The following LRRC40 variants were observed in gnomAD, a reference collection of about 807,000 sequenced individuals.
The protein encoded by LRRC40 is leucine rich repeat containing 40.
Under a neutral mutation model 72.8 loss-of-function variants are expected in LRRC40, and 76 were observed. The ratio of observed to expected loss-of-function variants is 1.04; its 90% CI spans 0.87 to 1.26. The LOEUF (loss-of-function observed/expected upper bound fraction) is 1.26, where lower values mean the gene tolerates loss of function less well. Among genes scored for constraint, LRRC40 ranks in the 50% most tolerant of loss-of-function variants. The probability of loss-of-function intolerance (pLI) is 0.00; values close to 1 mark genes in which losing one functional copy is unlikely to be tolerated. For synonymous variants in LRRC40, 243 were observed against 254.2 expected (o/e 0.96, Z 0.42); for missense variants, 684 against 698.9 (o/e 0.98, Z 0.24).
At chr1:70,153,832 G>A (rs1667570712) in intron 11 of LRRC40, among the ~76,000 whole-genome samples, 1 of 152,012 alleles carries the variant, frequency 6.6e-6, no homozygotes, top group African/African-American at 2.4e-5. Flanking sequence ...AATTAGTGGG[G>A]TGTGGTGGCA....
chr1:70,189,098 AAC>A lies in LRRC40; in HGVS notation c.325_326del (p.Val109SerfsTer2), dbSNP rs1668431917. 4 of 1,609,976 alleles carry A rather than the reference AAC, an allele frequency of 2.5e-6. No individual in the cohort carries two copies. The highest frequency in any genetic ancestry group is 3.4e-6 in the Non-Finnish European group (4 of 1,178,396). On this transcript the variant is annotated frameshift_variant, in exon 2 of 15. Transcript: ENST00000370952. LOFTEE classifies it high-confidence loss of function. ...DDLRLLPALT[V>X]LDIHDNQLTS... ...TTATAGTCAGTCAACTTACATCAAG[AAC>A]AGTCAGTGCAGGCAAGAGTCGCAGG... is the stretch of plus-strand genomic sequence containing the variant.
chr1:70,175,724 C>A (rs764224323), intron 7 of LRRC40, 86 bp downstream of exon 7: 6 of 960,126 alleles, frequency 6.2e-6, no homozygotes, highest in Admixed American at 3.6e-5. Flanking sequence ...AAAAAAGGAA[C>A]CTCTTGGTTT....
chr1:70,151,735 T>C (rs1667497631), intron 12 of LRRC40: 1 of 148,386 alleles, frequency 6.7e-6, no homozygotes, highest in Admixed American at 6.7e-5. Context: ...CAATGACTAT[T>C]TTTTTTTTTT....
chr1:70,150,124 G>A (rs1445223715), intron 13 of LRRC40, among the ~76,000 whole-genome samples: 1 of 151,922 alleles, frequency 6.6e-6, no homozygotes, highest in Non-Finnish European at 1.5e-5. Flanking sequence ...TCACCATATC[G>A]GCCAGGCTGG....
chr1:70,151,137 G>T lies in LRRC40; in HGVS notation c.1508C>A (p.Ser503Tyr). Reference protein sequence around the residue: ...SLVRLQTINLSFNRFKMLPEV... With the variant: ...SLVRLQTINLYFNRFKMLPEV... ...TTGTCTGTTCTCTTACCTATTAAAG[G>T]AAAGATTGATCGTTTGCAGTCTTAC... Residue 503 changes from serine to tyrosine, a missense_variant, in exon 13 of 15, where the codon TCC becomes TAC. Coordinates refer to ENST00000370952, the MANE Select transcript of LRRC40 (RefSeq NM_017768.5). 1 of 1,541,748 alleles carries T rather than the reference G, an allele frequency of 6.5e-7. No homozygotes were observed. The highest frequency in any genetic ancestry group is 1.1e-5 in the South Asian group (1 of 88,388).
chr1:70,201,522 C>A (rs1668736925), intron 1 of LRRC40, among the ~76,000 whole-genome samples: 1 of 152,034 alleles, frequency 6.6e-6, no homozygotes, highest in African/African-American at 2.4e-5. Context: ...CATAAAAAGA[C>A]AACTATGATC....
intron 1 of LRRC40, among the ~76,000 whole-genome samples, chr1:70,197,506 T>G (rs891470335): frequency 1.3e-5 from 2 of 151,686 alleles, no homozygotes; most frequent in Non-Finnish European, 2.9e-5. Context: ...CTCAAACTCC[T>G]GGTCTCAAGT....
intron 13 of LRRC40, among the ~76,000 whole-genome samples, chr1:70,150,025 G>A (rs1047317275): frequency 1.3e-5 from 2 of 151,974 alleles, no homozygotes; most frequent in Non-Finnish European, 2.9e-5. Flanking sequence ...GGGTTCAAGC[G>A]ATTCTCCTGC....
At chr1:70,194,567 T>G (rs1260473915) in intron 1 of LRRC40, among the ~76,000 whole-genome samples, 2 of 152,018 alleles carry the variant, frequency 1.3e-5, no homozygotes. Flanking sequence ...TCTGTAGAAA[T>G]TAACAAGCCA....
intron 13 of LRRC40, among the ~76,000 whole-genome samples, chr1:70,150,075 C>T (rs1162710429): frequency 2.6e-5 from 4 of 151,984 alleles, no homozygotes; most frequent in East Asian, 1.9e-4. Context: ...GCCACCACCA[C>T]GCCTGGCTAA....
chr1:70,203,426 C>T (rs1365119004), intron 1 of LRRC40, among the ~76,000 whole-genome samples: 1 of 152,012 alleles, frequency 6.6e-6, no homozygotes, highest in East Asian at 1.9e-4. Flanking sequence ...CAGGGTCTCA[C>T]AATATTGTCC....
intron 1 of LRRC40, among the ~76,000 whole-genome samples, chr1:70,204,251 T>C (rs557240132): frequency 6.6e-6 from 1 of 152,342 alleles, no homozygotes; most frequent in East Asian, 1.9e-4. Flanking sequence ...TTTTCAGTGA[T>C]AGAAATACAA....
intron 4 of LRRC40, among the ~76,000 whole-genome samples, chr1:70,183,784 G>A (rs1668301344): frequency 6.6e-6 from 1 of 151,920 alleles, no homozygotes; most frequent in Non-Finnish European, 1.5e-5. Context: ...GAACTCCTGG[G>A]CTCAAAAAAT....
intron 1 of LRRC40, among the ~76,000 whole-genome samples, chr1:70,191,638 C>T (rs1046810062): frequency 7.2e-5 from 11 of 151,988 alleles, no homozygotes; most frequent in African/African-American, 2.7e-4. Context: ...CAATTTCTTC[C>T]AGAGCTTACA....
chr1:70,173,345 A>G (rs1004712697), intron 9 of LRRC40, 120 bp downstream of exon 9: 8 of 678,246 alleles, frequency 1.2e-5, no homozygotes, highest in Non-Finnish European at 1.8e-5. Flanking sequence ...TTAGAGCCAC[A>G]CATGCCAGGA....
At position 70,205,537 on chromosome 1, in the gene LRRC40, A is replaced by G; in HGVS notation, c.4T>C (p.Ser2Pro). The G allele has an allele frequency of 1.3e-6, 2 of 1,594,736 alleles. No homozygotes were observed. Among genetic ancestry groups the G allele is most frequent in the Non-Finnish European group, 8.6e-7 (1 of 1,165,394 alleles). Residue 2 changes from serine (S) to proline (P), a missense_variant, in exon 1 of 15, where the codon TCG (serine) becomes CCG (proline). Coordinates refer to ENST00000370952, the MANE Select transcript of LRRC40 (RefSeq NM_017768.5). The stretch of plus-strand genomic sequence containing the variant: ...TGCCCCGCTATCCGCTTCAGGCGCG[A>G]CATGTTCAAAGTCCTAGGTCCAGAA... M[S>P]RLKRIAGQDL...
intron 9 of LRRC40, among the ~76,000 whole-genome samples, chr1:70,161,159 A>G (rs1223413635): frequency 2.7e-5 from 4 of 149,496 alleles, no homozygotes; most frequent in African/African-American, 4.9e-5. Flanking sequence ...GCGATCTCGC[A>G]CGGCAAGCTC....
intron 1 of LRRC40, among the ~76,000 whole-genome samples, chr1:70,199,735 A>T (rs544186717): frequency 6.6e-6 from 1 of 152,336 alleles, no homozygotes; most frequent in Admixed American, 6.5e-5. Context: ...TGTTTATGTT[A>T]TCAGTAAGGC....
chr1:70,157,424 CAAATCCGAATAAAT>C (rs1439519913), intron 10 of LRRC40, among the ~76,000 whole-genome samples: 2 of 152,110 alleles, frequency 1.3e-5, no homozygotes, highest in Admixed American at 1.3e-4. Flanking sequence ...TTAAGAAAAA[CAAATCCGAATAAAT>C]TTAGAATCAA....
Sources: allele counts gnomAD v4.1 joint callset (sites outside exome capture counted in the v4.1 genomes callset), GRCh38; gene constraint gnomAD v4.1.1; transcripts MANE v1.5; gene names NCBI Gene and HGNC (gene_info 2026-07-23, HGNC 2026-07-21).